Variants in KATNIP observed in about 807,000 individuals in gnomAD.
KATNIP encodes the protein katanin-interacting protein.
In KATNIP, 126 loss-of-function variants were observed where a neutral mutation model predicts 174.0. The ratio of observed to expected loss-of-function variants is 0.72; its 90% CI spans 0.63 to 0.84. The LOEUF (loss-of-function observed/expected upper bound fraction) is 0.84, where lower values mean the gene tolerates loss of function less well. Among genes scored for constraint, KATNIP ranks in the 40% least tolerant of loss-of-function variants. The probability of loss-of-function intolerance (pLI) is 0.00; values close to 1 mark genes in which losing one functional copy is unlikely to be tolerated. For synonymous variants in KATNIP, 810 were observed against 835.7 expected (o/e 0.97, Z 0.53); for missense variants, 1,958 against 2,109.7 (o/e 0.93, Z 1.41).
intron 1 of KATNIP, among the ~76,000 whole-genome samples, chr16:27,551,173 TG>T (rs1012932183): frequency 1.3e-5 from 2 of 152,150 alleles, no homozygotes; most frequent in African/African-American, 4.8e-5. Context: ...ACTTTGCAGA[TG>T]GGAAGACTAA....
Position 27,754,162 on chromosome 16 carries a change from C to T in KATNIP, c.3553-11C>T. The T allele has an allele frequency of 6.2e-7, 1 of 1,613,076 alleles. No homozygotes were observed. The highest frequency in any genetic ancestry group is 8.5e-7 in the Non-Finnish European group (1 of 1,179,092). ...ACCCCCTTTTCCTCTGCTTCTCCAA[C>T]CCATGTGCAGATCCCGGAGCTAGAG... On this transcript the variant is annotated splice_polypyrimidine_tract_variant and intron_variant, in intron 17 of 27. Coordinates refer to ENST00000261588, the MANE Select transcript of KATNIP (RefSeq NM_015202.5).
At position 27,678,137 on chromosome 16, in the gene KATNIP, G is replaced by A. The variant is rs555500078; in HGVS notation, c.808+141G>A. The stretch of plus-strand genomic sequence containing the variant: ...AGGGAGGTATATCAGTCAGGTCTCT[G>A]TTGATTGCAAGACGCAGAGCTTCCC... On this transcript the variant is annotated intron_variant, in intron 7 of 27. Coordinates refer to ENST00000261588, the MANE Select transcript of KATNIP (RefSeq NM_015202.5). 7.4e-6 allele frequency: 7 copies of A among 947,500 alleles called. No homozygotes were observed. In the Admixed American group the frequency reaches 1.7e-4, roughly 23 times the overall value. The allele number at this position is 947,500 out of a possible 1,614,324, so 58.7% of individuals were successfully genotyped here. A position where few individuals can be genotyped will look rare whatever the true frequency, so the allele number is the denominator to read the frequency against.
chr16:27,603,063 G>T (rs2075583902), intron 2 of KATNIP, among the ~76,000 whole-genome samples: 1 of 152,234 alleles, frequency 6.6e-6, no homozygotes, highest in Admixed American at 6.5e-5. Flanking sequence ...GCCCTTGATT[G>T]GTTGGAAGGT....
Position 27,749,847 on chromosome 16 carries a change from G to A in KATNIP, c.2887G>A (p.Gly963Arg). The A allele has an allele frequency of 1.2e-6, 2 of 1,614,110 alleles. No homozygotes were observed. Among genetic ancestry groups the A allele is most frequent in the Non-Finnish European group, 1.7e-6 (2 of 1,179,998 alleles). Residue 963 changes from glycine to arginine, a missense_variant, in exon 16 of 28, where the codon GGG becomes AGG. This residue lies in a region of KATNIP where 1,557 missense variants were observed against 1,617.8 expected (regional missense o/e 0.96). Coordinates refer to ENST00000261588, the MANE Select transcript of KATNIP (RefSeq NM_015202.5). ...TGGCTACTCTGGAGAGACAGACGCT[G>A]GGGGTGACTTTAAAATCCCCGTCTT... ...QDGYSGETDA[G>R]GDFKIPVLPY...
intron 1 of KATNIP, among the ~76,000 whole-genome samples, chr16:27,550,732 G>A (rs1025795315): frequency 3.3e-5 from 5 of 152,146 alleles, no homozygotes; most frequent in Non-Finnish European, 7.3e-5. Flanking sequence ...TGAGTTCAGC[G>A]TTGTTCCATT....
intron 2 of KATNIP, among the ~76,000 whole-genome samples, chr16:27,586,458 A>T (rs1316451275): frequency 9.2e-5 from 14 of 151,666 alleles, no homozygotes; most frequent in Admixed American, 9.2e-4. Flanking sequence ...AATTACAATT[A>T]AAAATAATTA....
chr16:27,611,215 A>C (rs558756660), intron 2 of KATNIP, among the ~76,000 whole-genome samples: 3 of 152,352 alleles, frequency 2.0e-5, no homozygotes, highest in Admixed American at 6.5e-5. Flanking sequence ...CTGAATATAC[A>C]GTGGGTCAGA....
At chr16:27,698,207 C>T (rs1260554712) in intron 8 of KATNIP, 121 bp from the exon 9 acceptor site, 4 of 1,043,612 alleles carry the variant, frequency 3.8e-6, no homozygotes, top group Non-Finnish European at 5.5e-6. Context: ...ACCGCCTTGA[C>T]ATTTTTGGAG....
chr16:27,751,593 A>G lies in KATNIP; in HGVS notation c.3347-126A>G, dbSNP rs1597376013. On this transcript the variant is annotated intron_variant, in intron 16 of 27. Coordinates refer to ENST00000261588, the MANE Select transcript of KATNIP (RefSeq NM_015202.5). The stretch of plus-strand genomic sequence containing the variant: ...ATCTGTGAAGACTAATAAGGCTCAC[A>G]CTAATCAATACCAGTTAAGGGTGTG... The G allele has an allele frequency of 6.2e-6, 5 of 800,998 alleles. No homozygotes were observed. The East Asian group carries it at 1.3e-4, about 20-fold the overall frequency. The allele number at this position is 800,998 out of a possible 1,614,324, so 49.6% of individuals were successfully genotyped here.
intron 20 of KATNIP, among the ~76,000 whole-genome samples, chr16:27,769,626 C>T (rs778538431): frequency 1.2e-4 from 18 of 152,236 alleles, no homozygotes; most frequent in Non-Finnish European, 1.5e-4. Context: ...TCACGTGCCA[C>T]CCCTGAAAGC....
At chr16:27,652,314 A>ATGGGTCAGATTGCATGGGGCT (rs1211052118) in intron 6 of KATNIP, among the ~76,000 whole-genome samples, 1 of 152,176 alleles carries the variant, frequency 6.6e-6, no homozygotes, top group African/African-American at 2.4e-5. Flanking sequence ...AGAAGCAGCC[A>ATGGGTCAGATTGCATGGGGCT]TGGGTCAGAT....
Position 27,750,215 on chromosome 16 carries a change from C to A in KATNIP, c.3255C>A (p.Ser1085=), listed in dbSNP as rs529134964. The A allele has an allele frequency of 1.9e-6, 3 of 1,614,112 alleles. No individual in the cohort carries two copies. The South Asian group carries it at 3.3e-5, about 18-fold the overall frequency. The part of the protein sequence containing the change: ...IWNYNKSRIH[S]FRGVKDITML... ...ACTACAATAAATCTCGGATACATTC[C>A]TTCCGAGGCGTGAAGGACATCACAA... Residue 1085 remains serine, a synonymous_variant, in exon 16 of 28, where the codon TCC becomes TCA. Coordinates refer to ENST00000261588, the MANE Select transcript of KATNIP (RefSeq NM_015202.5).
At chr16:27,760,296 G>C (rs1389639984) in intron 18 of KATNIP, among the ~76,000 whole-genome samples, 1 of 152,166 alleles carries the variant, frequency 6.6e-6, no homozygotes, top group South Asian at 2.1e-4. Context: ...AGGGCAGAAG[G>C]GTTTATTGTG....
intron 19 of KATNIP, among the ~76,000 whole-genome samples, chr16:27,764,275 C>T (rs1298163628): frequency 1.3e-5 from 2 of 152,194 alleles, no homozygotes; most frequent in Non-Finnish European, 2.9e-5. Context: ...TCTCTAGCAT[C>T]GTCTAAAACG....
chr16:27,681,825 C>T (rs1371593746), intron 8 of KATNIP, among the ~76,000 whole-genome samples: 1 of 152,194 alleles, frequency 6.6e-6, no homozygotes, highest in East Asian at 1.9e-4. Flanking sequence ...GGAGAAGTCA[C>T]CCTCACTTGG....
chr16:27,743,188 A>G (rs2081170408), intron 15 of KATNIP, among the ~76,000 whole-genome samples: 2 of 152,108 alleles, frequency 1.3e-5, no homozygotes, highest in South Asian at 4.1e-4. Context: ...AGGACATGAT[A>G]TTGTTCCTTT....
intron 6 of KATNIP, among the ~76,000 whole-genome samples, chr16:27,657,841 C>T (rs558140331): frequency 7.2e-4 from 110 of 152,092 alleles, no homozygotes; most frequent in African/African-American, 2.4e-3. Flanking sequence ...TCCCGGGAGT[C>T]GGAGGTTGCA....
At chr16:27,638,013 C>G (rs998055355) in intron 5 of KATNIP, among the ~76,000 whole-genome samples, 30 of 152,166 alleles carry the variant, frequency 2.0e-4, no homozygotes, top group Non-Finnish European at 1.5e-4. Flanking sequence ...TTCAGTGTTC[C>G]CCTGATCCAT....
intron 14 of KATNIP, among the ~76,000 whole-genome samples, chr16:27,739,515 G>C (rs2081022669): frequency 6.6e-6 from 1 of 152,162 alleles, no homozygotes; most frequent in Non-Finnish European, 1.5e-5. Flanking sequence ...CTCAGCCTCT[G>C]CTTTTACGGT....
Sources: gnomAD v4.1 joint callset for allele counts (sites outside exome capture counted in the v4.1 genomes callset) on GRCh38, gnomAD v4.1.1 for gene constraint, gnomAD v4.1.1 regional missense constraint, MANE v1.5 for transcripts, NCBI Gene and HGNC (gene_info 2026-07-23, HGNC 2026-07-21) for gene names.